CPA5: variants seen among roughly 807,000 people sequenced by gnomAD.
CPA5 encodes carboxypeptidase A5.
Under a neutral mutation model 52.2 loss-of-function variants are expected in CPA5, and 38 were observed. The observed-to-expected ratio is 0.73, with a 90% CI of 0.56 to 0.95. The LOEUF is 0.95. Among genes scored for constraint, CPA5 ranks in the 40% least tolerant of loss-of-function variants. CPA5 has a pLI of 0.00. For synonymous variants in CPA5, 198 were observed against 213.7 expected (o/e 0.93, Z 0.64); for missense variants, 519 against 566.7 (o/e 0.92, Z 0.86).
chr7:130,362,659 G>A (rs1795856929), intron 8 of CPA5, 120 bp downstream of exon 8: 6 of 718,210 alleles, frequency 8.4e-6, no homozygotes, highest in South Asian at 1.8e-5. Context: ...TCTCCATCCC[G>A]CCCTTTGGAG....
At chr7:130,371,013 G>A (rs1038283377), downstream of CPA5, among the ~76,000 whole-genome samples, 1 of 152,178 alleles carries the variant, frequency 6.6e-6, no homozygotes, top group South Asian at 2.1e-4. Flanking sequence ...AGTACTTCCT[G>A]GGGGCTGCCT....
chr7:130,350,960 A>G (rs1795100013), intron 5 of CPA5, among the ~76,000 whole-genome samples: 1 of 152,232 alleles, frequency 6.6e-6, no homozygotes, highest in African/African-American at 2.4e-5. Flanking sequence ...GTATCCATAA[A>G]GATTCATTCC....
At chr7:130,351,157 A>G (rs1481485911) in intron 5 of CPA5, among the ~76,000 whole-genome samples, 1 of 152,214 alleles carries the variant, frequency 6.6e-6, no homozygotes, top group Non-Finnish European at 1.5e-5. Context: ...CATCAGGCAC[A>G]TCTGTTTCCC....
intron 5 of CPA5, among the ~76,000 whole-genome samples, chr7:130,355,144 T>C (rs1334374559): frequency 1.3e-5 from 2 of 152,108 alleles, no homozygotes; most frequent in African/African-American, 4.8e-5. Flanking sequence ...CAGATGACCA[T>C]TAATGGGGGC....
intron 9 of CPA5, 42 bp from the exon 10 acceptor site, chr7:130,363,377 A>C: frequency 2.4e-4 from 336 of 1,410,760 alleles, no homozygotes; most frequent in Non-Finnish European, 2.9e-4. Context: ...ATCCCTGGGA[A>C]TGGGCCCAGT....
At position 130,368,590 on chromosome 7, in the gene CPA5, C is replaced by T. The variant is rs1554409385; in HGVS notation, c.1304C>T (p.Pro435Leu). Residue 435 changes from proline to leucine, a missense_variant, in exon 13 of 13, where the codon CCC becomes CTC. Physicochemically the swap from Pro to Leu is moderately conservative, Grantham distance 98. Transcript: ENST00000474905. Reference protein sequence around the residue: ...RTIMEHTLNHPY With the variant: ...RTIMEHTLNHLY ...ATCATGGAGCACACCCTGAATCACC[C>T]CTACTAGCAGCACGACTGAGGGCAG... The T allele has an allele frequency of 1.9e-6, 3 of 1,614,004 alleles. No individual in the cohort carries two copies. Among genetic ancestry groups the T allele is most frequent in the East Asian group, 4.5e-5 (2 of 44,872 alleles).
At chr7:130,369,564 G>C (rs181370315), downstream of CPA5, among the ~76,000 whole-genome samples, 1 of 152,212 alleles carries the variant, frequency 6.6e-6, no homozygotes, top group Non-Finnish European at 1.5e-5. Context: ...GTAAGTCTGA[G>C]GCAGAAACAT....
At position 130,350,000 on chromosome 7, in the gene CPA5, G is replaced by A. The variant is rs139419630; in HGVS notation, c.224G>A (p.Arg75Lys). The part of the protein sequence containing the change: ...QKVDFWRGPA[R>K]PSLPVDMRVP... ...GTGGACTTCTGGCGTGGCCCAGCCA[G>A]GCCCAGCCTCCCTGTGGATATGAGA... Residue 75 changes from arginine (R) to lysine (K), a missense_variant, in exon 5 of 13, where the codon AGG becomes AAG. Physicochemically the swap from Arg to Lys is conservative, Grantham distance 26. Transcript: ENST00000474905. 3.1e-5 allele frequency: 50 copies of A among 1,613,872 alleles called. No homozygotes were observed. In the African/African-American group the frequency reaches 5.6e-4, roughly 18 times the overall value.
At chr7:130,355,396 G>GGT (rs147556341) in intron 5 of CPA5, among the ~76,000 whole-genome samples, 2,952 of 149,218 alleles carry the variant, frequency 0.02, 60 homozygotes, top group African/African-American at 0.05. Context: ...TGAGAACATT[G>GGT]GTGTGTGTGT....
At chr7:130,368,870 G>C (rs1796247837), downstream of CPA5, 2 of 462,582 alleles carry the variant, frequency 4.3e-6, no homozygotes, top group South Asian at 3.3e-5. Context: ...GGAAAATAAG[G>C]GGGTAGAGGC....
intron 10 of CPA5, among the ~76,000 whole-genome samples, chr7:130,365,521 T>C (rs1796031367): frequency 6.6e-6 from 1 of 152,220 alleles, no homozygotes; most frequent in Non-Finnish European, 1.5e-5. Flanking sequence ...TTCCAGAGAT[T>C]TCCCCTTGCT....
At position 130,361,223 on chromosome 7, in the gene CPA5, C is replaced by T. The variant is rs202207650; in HGVS notation, c.513C>T (p.Asn171=). Reference sequence around the variant, plus strand: ...TTCAGATTGGCAACAGCTTTGAAAACCAGTCCATTCTTGTCCTGAAGGTAA... The same window carrying T: ...TTCAGATTGGCAACAGCTTTGAAAATCAGTCCATTCTTGTCCTGAAGGTAA... ...SKIQIGNSFE[N]QSILVLKFST... is the part of the protein sequence containing the mutation. Residue 171 remains asparagine, a synonymous_variant, in exon 7 of 13, where the codon AAC becomes AAT. Coordinates refer to ENST00000474905, the MANE Select transcript of CPA5 (RefSeq NM_080385.5). 1 of 1,613,058 alleles carries T rather than the reference C, an allele frequency of 6.2e-7. No homozygotes were observed. The highest frequency in any genetic ancestry group is 2.2e-5 in the East Asian group (1 of 44,880).
Position 130,361,244 on chromosome 7 carries a change from G to GTT in CPA5, c.534_534+1insTT (p.Thr181AlafsTer44). 1 of 1,605,318 alleles carries GTT rather than the reference G, an allele frequency of 6.2e-7. No homozygotes were observed. The highest frequency in any genetic ancestry group is 8.5e-7 in the Non-Finnish European group (1 of 1,171,998). ...AAAACCAGTCCATTCTTGTCCTGAAGGTAAAAGCCCACAATGTCAACCTGT... is the reference window on the plus strand; with the variant it reads ...AAAACCAGTCCATTCTTGTCCTGAAGTTGTAAAAGCCCACAATGTCAACCTGT... On this transcript the variant is annotated frameshift_variant and splice_region_variant. Coordinates refer to ENST00000474905, the MANE Select transcript of CPA5 (RefSeq NM_080385.5). LOFTEE classifies it high-confidence loss of function.
intron 5 of CPA5, among the ~76,000 whole-genome samples, chr7:130,351,874 T>G (rs1031601428): frequency 4.6e-5 from 7 of 152,142 alleles, no homozygotes; most frequent in Non-Finnish European, 1.0e-4. Context: ...TGCGGTTGTC[T>G]GCTGAATGAC....
chr7:130,359,772 A>G, intron 6 of CPA5, 85 bp downstream of exon 6: 1 of 883,428 alleles, frequency 1.1e-6, no homozygotes, highest in African/African-American at 1.7e-5. Flanking sequence ...CTAGTGAAGG[A>G]CTCCAGGGTT....
At chr7:130,372,347 G>C (rs1279957009), downstream of CPA5, among the ~76,000 whole-genome samples, 1 of 152,200 alleles carries the variant, frequency 6.6e-6, no homozygotes, top group African/African-American at 2.4e-5. Flanking sequence ...AGTAAAATTA[G>C]GACTAGGTTT....
intron 5 of CPA5, among the ~76,000 whole-genome samples, chr7:130,352,622 G>T (rs1795230707): frequency 6.6e-6 from 1 of 152,124 alleles, no homozygotes; most frequent in Non-Finnish European, 1.5e-5. Flanking sequence ...CTGACAACTA[G>T]GGGGGAGTCA....
intron 5 of CPA5, among the ~76,000 whole-genome samples, chr7:130,353,524 G>T (rs193008775): frequency 1.7e-4 from 26 of 152,222 alleles, no homozygotes; most frequent in Admixed American, 1.4e-3. Context: ...AGCTCCCCTG[G>T]CCCTTCATCG....
chr7:130,374,218 G>A, the CPA5 span, among the ~76,000 whole-genome samples: 3 of 151,798 alleles, frequency 2.0e-5, no homozygotes, highest in Non-Finnish European at 2.9e-5. Flanking sequence ...ATGGCCTGCC[G>A]GCGTGGGACA....
Sources: allele counts gnomAD v4.1 joint callset (sites outside exome capture counted in the v4.1 genomes callset), GRCh38; gene constraint gnomAD v4.1.1; transcripts MANE v1.5; gene names NCBI Gene and HGNC (gene_info 2026-07-23, HGNC 2026-07-21).